Variants in EPM2A observed in about 807,000 individuals in gnomAD.
EPM2A encodes the protein EPM2A glucan phosphatase, laforin, also known as laforin.
Under a neutral mutation model 26.5 loss-of-function variants are expected in EPM2A, and 21 were observed. The ratio of observed to expected loss-of-function variants is 0.79; its 90% CI spans 0.56 to 1.14. EPM2A has a LOEUF of 1.14. EPM2A is among the 50% of genes most tolerant of loss of function. The pLI is 0.00. For missense variants in EPM2A, 458 were observed against 440.8 expected (o/e 1.04, Z -0.35); for synonymous variants, 217 against 177.6 (o/e 1.22, Z -1.76).
upstream of EPM2A, chr6:145,735,910 C>T (rs1318918748): frequency 6.6e-6 from 1 of 152,212 alleles, no homozygotes; most frequent in Admixed American, 6.5e-5. Context: ...GGAATGACCT[C>T]TAGACAGCCG....
intron 4 of EPM2A, among the ~76,000 whole-genome samples, chr6:145,415,263 G>A (rs998528306): frequency 1.3e-5 from 2 of 152,158 alleles, no homozygotes; most frequent in Non-Finnish European, 1.5e-5. Context: ...GACAATGTAC[G>A]GTTTTCACCT....
At chr6:145,472,671 T>C (rs1779490732) in intron 4 of EPM2A, among the ~76,000 whole-genome samples, 1 of 151,996 alleles carries the variant, frequency 6.6e-6, no homozygotes, top group African/African-American at 2.4e-5. Flanking sequence ...GGGGTGAGGC[T>C]CCCCTGCCTT....
chr6:145,549,309 GC>G (rs1340784829), intron 2 of EPM2A, among the ~76,000 whole-genome samples: 1 of 152,052 alleles, frequency 6.6e-6, no homozygotes, highest in Non-Finnish European at 1.5e-5. Flanking sequence ...AAATTTATAA[GC>G]CTACTTATCA....
rs1348405076 is a variant in EPM2A at position 145,662,656 on chromosome 6, A to G, written c.476+23466T>C. On this transcript the variant is annotated intron_variant, in intron 2 of 3. Transcript: ENST00000367519. ...GTGGATAGAAAATTACTAAGAGGATATATCAGGGGTAAATGGGATTCTGGC... is the reference window on the plus strand; with the variant it reads ...GTGGATAGAAAATTACTAAGAGGATGTATCAGGGGTAAATGGGATTCTGGC... Among the ~76,000 whole-genome samples the G allele has an allele frequency of 3.3e-5, 5 of 152,188 alleles. 1 individual carries two copies.
intron 2 of EPM2A, among the ~76,000 whole-genome samples, chr6:145,583,943 G>C (rs1008704700): frequency 6.6e-6 from 1 of 152,194 alleles, no homozygotes; most frequent in African/African-American, 2.4e-5. Flanking sequence ...GTGGTGGGGG[G>C]GTGAGGTTCA....
chr6:145,525,966 T>C (rs1017337419), intron 2 of EPM2A, among the ~76,000 whole-genome samples: 18 of 152,024 alleles, frequency 1.2e-4, no homozygotes, highest in Non-Finnish European at 2.2e-4. Context: ...GTTATGTTCC[T>C]TTGATGTTTA....
At chr6:145,474,619 G>C (rs988343765) in intron 4 of EPM2A, among the ~76,000 whole-genome samples, 3 of 152,058 alleles carry the variant, frequency 2.0e-5, no homozygotes, top group Non-Finnish European at 4.4e-5. Flanking sequence ...ATTGACAAAT[G>C]GGATCTAATT....
intron 1 of EPM2A, among the ~76,000 whole-genome samples, chr6:145,692,460 C>T (rs1781337341): frequency 6.6e-6 from 1 of 151,958 alleles, no homozygotes; most frequent in Non-Finnish European, 1.5e-5. Flanking sequence ...TACCATAAAA[C>T]AACTTCAAAT....
chr6:145,458,763 G>T (rs888380524), intron 4 of EPM2A, among the ~76,000 whole-genome samples: 1 of 118,680 alleles, frequency 8.4e-6, no homozygotes, highest in African/African-American at 3.2e-5. Flanking sequence ...CCCGCCCCCC[G>T]CCCAGTTCTG....
At position 145,527,605 on chromosome 6, in the gene EPM2A, C is replaced by A. The variant is rs115597891; in HGVS notation, c.341-25030G>T. ...TGCTATTTAAGAATAGCATCCTCTG[C>A]TCATGTGTGTGTGTGTGATAAATTT... On this transcript the variant is annotated intron_variant, in intron 2 of 3. Coordinates refer to the EPM2A transcript ENST00000450221. Among the ~76,000 whole-genome samples the A allele has an allele frequency of 5.0e-3, 756 of 152,092 alleles. 4 individuals carry two copies. Among genetic ancestry groups the A allele is most frequent in the African/African-American group, 0.018 (736 of 41,518 alleles).
chr6:145,568,835 A>G (rs1780918788), intron 2 of EPM2A, among the ~76,000 whole-genome samples: 1 of 152,182 alleles, frequency 6.6e-6, no homozygotes, highest in Non-Finnish European at 1.5e-5. Context: ...GCACATTTAC[A>G]TTATGCAGAA....
intron 2 of EPM2A, among the ~76,000 whole-genome samples, chr6:145,506,583 T>A (rs1779976877): frequency 1.3e-5 from 2 of 151,938 alleles, no homozygotes. Flanking sequence ...TAAAAGTACT[T>A]ATGTTGAGAA....
chr6:145,484,640 A>G (rs1779650962), intron 4 of EPM2A, among the ~76,000 whole-genome samples: 1 of 152,104 alleles, frequency 6.6e-6, no homozygotes, highest in African/African-American at 2.4e-5. Flanking sequence ...CATGCAAAAG[A>G]CAGACATAAA....
rs1015067876 is a variant in EPM2A at position 145,491,171 on chromosome 6, G to C, written c.555+11351C>G. 135 of 503,640 alleles carry C rather than the reference G, an allele frequency of 2.7e-4. 1 individual carries two copies. Among genetic ancestry groups the C allele is most frequent in the South Asian group, 1.9e-3 (112 of 60,192 alleles). 31.2% of individuals were successfully genotyped at this position (503,640 alleles called of 1,614,324 possible). A position where few individuals can be genotyped will look rare whatever the true frequency, so the allele number is the denominator to read the frequency against. On this transcript the variant is annotated intron_variant, in intron 4 of 4. Transcript: ENST00000638717. ...GAGTTTTCTTTGTTCCTGACTTCAA[G>C]GGCTTTCATAATGAAGCAGGAAATT...
intron 1 of EPM2A, among the ~76,000 whole-genome samples, chr6:145,694,362 T>C (rs1156532208): frequency 6.6e-6 from 1 of 152,052 alleles, no homozygotes; most frequent in East Asian, 1.9e-4. Flanking sequence ...TTTGATGTTC[T>C]CTTCTAATGG....
At chr6:145,660,759 G>A (rs1439880436) in intron 2 of EPM2A, among the ~76,000 whole-genome samples, 3 of 152,090 alleles carry the variant, frequency 2.0e-5, no homozygotes, top group Non-Finnish European at 2.9e-5. Context: ...CCAAGATCAC[G>A]CCACTCCACT....
intron 4 of EPM2A, among the ~76,000 whole-genome samples, chr6:145,397,379 T>C (rs1179810077): frequency 6.6e-6 from 1 of 152,064 alleles, no homozygotes; most frequent in Non-Finnish European, 1.5e-5. Flanking sequence ...AGTTTGAGGC[T>C]GCAGTGAGGT....
At chr6:145,561,300 C>T (rs985987100) in intron 2 of EPM2A, among the ~76,000 whole-genome samples, 8 of 152,020 alleles carry the variant, frequency 5.3e-5, no homozygotes, top group Non-Finnish European at 1.2e-4. Context: ...GTGGGCTATA[C>T]CATCTGCTAT....
chr6:145,568,230 G>C (rs901003062), intron 2 of EPM2A, among the ~76,000 whole-genome samples: 1 of 151,908 alleles, frequency 6.6e-6, no homozygotes, highest in African/African-American at 2.4e-5. Flanking sequence ...GAAACTCTCT[G>C]TTTCAAGTGA....
Sources: gnomAD v4.1 joint callset for allele counts (sites outside exome capture counted in the v4.1 genomes callset) on GRCh38, gnomAD v4.1.1 for gene constraint, MANE v1.5 for transcripts, NCBI Gene and HGNC (gene_info 2026-07-23, HGNC 2026-07-21) for gene names.